MYRFL: variants seen among roughly 807,000 people sequenced by gnomAD.
The protein encoded by MYRFL is myelin regulatory factor-like protein.
A neutral mutation model predicts 109.4 loss-of-function variants in MYRFL; 88 were observed. The ratio of observed to expected loss-of-function variants is 0.80; its 90% CI spans 0.68 to 0.96. MYRFL has a LOEUF of 0.96. MYRFL is among the 40% of genes least tolerant of loss of function. The probability of loss-of-function intolerance (pLI) is 0.00; values close to 1 mark genes in which losing one functional copy is unlikely to be tolerated. For missense variants in MYRFL, 957 were observed against 954.9 expected, an observed-to-expected ratio of 1.00 and a Z score of -0.03; for synonymous variants, 324 against 320.9, an observed-to-expected ratio of 1.01 and a Z score of -0.10.
At position 69,891,682 on chromosome 12, in the gene MYRFL, T is replaced by TTTCTTTCTTTCTTTCTTTCGTTCG. The variant is rs1277296623; in HGVS notation, c.903+519_903+520insTTTCTTTCTTTCTTTCGTTCGTTC. On this transcript the variant is annotated intron_variant, in intron 7 of 24. Coordinates refer to ENST00000552032, the MANE Select transcript of MYRFL (RefSeq NM_182530.3). ...CTTTCTTTCTTTCTTTCTTTCTTTC[T>TTTCTTTCTTTCTTTCTTTCGTTCG]TTCGTTCGTTCGTTCTTTCTTTCTT... Among the ~76,000 whole-genome samples, 61 of 101,548 alleles carry TTTCTTTCTTTCTTTCTTTCGTTCG rather than the reference T, an allele frequency of 6.0e-4. 1 individual carries two copies. In the East Asian group the frequency reaches 6.1e-3, roughly 10 times the overall value. The allele number at this position is 101,548 out of a possible 152,430, so 66.6% of individuals were successfully genotyped here.
intron 13 of MYRFL, among the ~76,000 whole-genome samples, chr12:69,921,121 T>A (rs1259306907): frequency 6.6e-6 from 1 of 152,208 alleles, no homozygotes; most frequent in African/African-American, 2.4e-5. Context: ...TTGGGTTCAA[T>A]TACAAAATGG....
chr12:69,907,347 A>G (rs1954398391), intron 11 of MYRFL, among the ~76,000 whole-genome samples: 1 of 152,224 alleles, frequency 6.6e-6, no homozygotes, highest in African/African-American at 2.4e-5. Context: ...TGGGGAATCA[A>G]GGATCCAGTT....
intron 2 of MYRFL, among the ~76,000 whole-genome samples, chr12:69,856,286 C>T (rs1382087960): frequency 6.6e-6 from 1 of 152,104 alleles, no homozygotes; most frequent in Non-Finnish European, 1.5e-5. Context: ...ATTATAACAG[C>T]TTGTTTAGCC....
intron 1 of MYRFL, among the ~76,000 whole-genome samples, chr12:69,848,568 A>G (rs886948176): frequency 2.0e-5 from 3 of 152,070 alleles, no homozygotes; most frequent in African/African-American, 4.8e-5. Flanking sequence ...ATAGAAATCT[A>G]TTTTTTATAC....
At chr12:69,951,479 G>C (rs548776507) in intron 19 of MYRFL, among the ~76,000 whole-genome samples, 8 of 144,806 alleles carry the variant, frequency 5.5e-5, no homozygotes, top group African/African-American at 2.1e-4. Flanking sequence ...CCAGGCTGGA[G>C]TGCAATGGCG....
At position 69,891,166 on chromosome 12, in the gene MYRFL, G is replaced by C; in HGVS notation, c.903G>C (p.Lys301Asn). The change falls in exon 7 of 25, where the codon AAG becomes AAC. Residue 301 changes from lysine to asparagine, a missense_variant and splice_region_variant. Transcript: ENST00000552032. ...TTTACTTGAAAGTTTTTGGCACTAA[G>C]GTATGTCTTTTATTTAGTTCAGTTT... ...EMFYLKVFGT[K>N]VEATNQIIAI... 6.6e-7 allele frequency: 1 copy of C among 1,508,456 alleles called. No individual in the cohort carries two copies. The highest frequency in any genetic ancestry group is 8.8e-7 in the Non-Finnish European group (1 of 1,134,500). 93.4% of individuals were successfully genotyped at this position (1,508,456 alleles called of 1,614,324 possible).
At chr12:69,948,913 T>A (rs1443528502) in intron 19 of MYRFL, among the ~76,000 whole-genome samples, 2 of 152,150 alleles carry the variant, frequency 1.3e-5, no homozygotes, top group Non-Finnish European at 2.9e-5. Context: ...TCCCTGTGAA[T>A]GTGTAAGAGG....
At chr12:69,866,595 A>G (rs1033632534) in intron 2 of MYRFL, among the ~76,000 whole-genome samples, 3 of 152,130 alleles carry the variant, frequency 2.0e-5, no homozygotes, top group African/African-American at 7.2e-5. Flanking sequence ...TTTACTACAA[A>G]TCATGTTACT....
At chr12:69,944,770 C>G (rs1026008322) in intron 19 of MYRFL, among the ~76,000 whole-genome samples, 2 of 152,000 alleles carry the variant, frequency 1.3e-5, no homozygotes, top group South Asian at 2.1e-4. Flanking sequence ...GGAGAAATAC[C>G]TAATGTAGAT....
At chr12:69,855,212 C>CA (rs2136322348) in intron 1 of MYRFL, 68 bp from the exon 2 acceptor site, 1 of 662,186 alleles carries the variant, frequency 1.5e-6, no homozygotes, top group East Asian at 2.7e-5. Context: ...AAAGATTTGT[C>CA]AGTGTTTTTA....
chr12:69,919,307 C>T (rs147628405), intron 13 of MYRFL, among the ~76,000 whole-genome samples: 6 of 152,198 alleles, frequency 3.9e-5, no homozygotes, highest in East Asian at 3.9e-4. Context: ...AACTTGTCTC[C>T]GTCAAAAGAC....
chr12:69,916,519 C>T (rs1227798446), intron 13 of MYRFL, among the ~76,000 whole-genome samples: 2 of 152,118 alleles, frequency 1.3e-5, no homozygotes, highest in Admixed American at 1.3e-4. Context: ...TATCAGTTCT[C>T]TTCTTTATTC....
chr12:69,928,395 G>T (rs1286666385), intron 15 of MYRFL, among the ~76,000 whole-genome samples: 3 of 152,220 alleles, frequency 2.0e-5, no homozygotes, highest in Middle Eastern at 3.2e-3. Context: ...AACTCAGCTT[G>T]CTCCCTCTGA....
At position 69,891,127 on chromosome 12, in the gene MYRFL, G is replaced by A; in HGVS notation, c.864G>A (p.Lys288=). Residue 288 remains lysine, a synonymous_variant, in exon 7 of 25, where the codon AAG becomes AAA. Transcript: ENST00000552032. ...TTGTTGAAACCGAGATGGGCCTAAA[G>A]CCAATAGAAATGTTTTACTTGAAAG... ...PKFVETEMGL[K]PIEMFYLKVF... 4 of 1,529,382 alleles carry A rather than the reference G, an allele frequency of 2.6e-6. No homozygotes were observed. The highest frequency in any genetic ancestry group is 3.5e-6 in the Non-Finnish European group (4 of 1,144,636). The allele number at this position is 1,529,382 out of a possible 1,614,324, so 94.7% of individuals were successfully genotyped here. A position where few individuals can be genotyped will look rare whatever the true frequency, so the allele number is the denominator to read the frequency against.
At chr12:69,852,751 T>C (rs1199621733) in intron 1 of MYRFL, among the ~76,000 whole-genome samples, 1 of 151,962 alleles carries the variant, frequency 6.6e-6, no homozygotes, top group African/African-American at 2.4e-5. Flanking sequence ...GCAGTGTTTG[T>C]GTCCCTGGGT....
At position 69,879,111 on chromosome 12, in the gene MYRFL, C is replaced by T. The variant is rs746544314; in HGVS notation, c.205+16C>T. 1.4e-6 allele frequency: 1 copy of T among 702,918 alleles called. No individual in the cohort carries two copies. The highest frequency in any genetic ancestry group is 1.5e-5 in the South Asian group (1 of 67,588). 43.5% of individuals were successfully genotyped at this position (702,918 alleles called of 1,614,324 possible). A position where few individuals can be genotyped will look rare whatever the true frequency, so the allele number is the denominator to read the frequency against. ...CAGGTCAAAGGTGAGTGCGATCCAC[C>T]TTCAGCACATCTGGCACTGTTGCTC... is the stretch of plus-strand genomic sequence containing the variant. On this transcript the variant is annotated intron_variant, in intron 3 of 24. Transcript: ENST00000552032.
intron 4 of MYRFL, 25 bp downstream of exon 4, chr12:69,879,478 C>A (rs1395247751): frequency 2.9e-6 from 2 of 688,970 alleles, no homozygotes; most frequent in South Asian, 1.5e-5. Context: ...ATTTAGTTAT[C>A]AAAGACCTTT....
At chr12:69,880,822 G>A (rs185842926) in intron 5 of MYRFL, among the ~76,000 whole-genome samples, 1 of 152,294 alleles carries the variant, frequency 6.6e-6, no homozygotes, top group East Asian at 1.9e-4. Flanking sequence ...CTAGAACAGG[G>A]AGGTGGAAAG....
intron 1 of MYRFL, among the ~76,000 whole-genome samples, chr12:69,848,924 T>C (rs1002245758): frequency 6.6e-6 from 1 of 152,224 alleles, no homozygotes; most frequent in African/African-American, 2.4e-5. Flanking sequence ...CAGGCTGGAG[T>C]GCAGTGCTGT....
Sources: allele counts gnomAD v4.1 joint callset (sites outside exome capture counted in the v4.1 genomes callset), GRCh38; gene constraint gnomAD v4.1.1; transcripts MANE v1.5; gene names NCBI Gene and HGNC (gene_info 2026-07-23, HGNC 2026-07-21).